MCF2L: variants seen among roughly 807,000 people sequenced by gnomAD.
The protein encoded by MCF2L is MCF.2 cell line derived transforming sequence like, also known as guanine nucleotide exchange factor DBS.
Under a neutral mutation model 153.4 loss-of-function variants are expected in MCF2L, and 97 were observed. The observed-to-expected ratio is 0.63, with a 90% CI of 0.54 to 0.75. The LOEUF is 0.75. Ranked by LOEUF, MCF2L falls within the 30% of genes least tolerant of loss-of-function variation. The pLI, the probability that MCF2L is intolerant of heterozygous loss-of-function variation, is 0.00. For synonymous variants in MCF2L, 659 were observed against 632.2 expected (o/e 1.04, Z -0.64); for missense variants, 1,347 against 1,495.2 (o/e 0.90, Z 1.64).
chr13:113,006,715 G>T (rs1217205463), intron 1 of MCF2L, among the ~76,000 whole-genome samples: 1 of 152,214 alleles, frequency 6.6e-6, no homozygotes, highest in Non-Finnish European at 1.5e-5. Context: ...AAGACCCTCG[G>T]GTCTGGGCCC....
chr13:112,956,795 C>G (rs2081763295), intron 2 of MCF2L: 1 of 152,286 alleles, frequency 6.6e-6, no homozygotes, highest in Non-Finnish European at 1.5e-5. Flanking sequence ...TGTCTACACT[C>G]TCACACTCCT....
chr13:113,059,887 A>G (rs1347018799), intron 4 of MCF2L, among the ~76,000 whole-genome samples: 1 of 152,220 alleles, frequency 6.6e-6, no homozygotes, highest in African/African-American at 2.4e-5. Flanking sequence ...TAACACACAC[A>G]TGTGTCTATG....
At chr13:113,008,246 A>T (rs1172853615) in intron 1 of MCF2L, among the ~76,000 whole-genome samples, 1 of 152,242 alleles carries the variant, frequency 6.6e-6, no homozygotes, top group Admixed American at 6.5e-5. Context: ...GGCAGTGTGA[A>T]GAATTTATTT....
intron 4 of MCF2L, among the ~76,000 whole-genome samples, chr13:113,049,198 G>A (rs1286023948): frequency 6.6e-6 from 1 of 152,222 alleles, no homozygotes; most frequent in African/African-American, 2.4e-5. Flanking sequence ...GCAGGAGGCG[G>A]GCAGTGGTGG....
Position 113,086,177 on chromosome 13 carries a change from G to A in MCF2L, c.2301G>A (p.Ala767=), listed in dbSNP as rs186247935. The A allele has an allele frequency of 1.0e-4, 164 of 1,610,574 alleles. No individual in the cohort carries two copies. Among genetic ancestry groups the A allele is most frequent in the East Asian group, 2.9e-4 (13 of 44,450 alleles). ...NCEGAEDLQE[A]LSSILGILKA... ...AGGGGGCTGAGGACCTGCAGGAGGCGCTGAGCTCCATCCTGGGCATCCTGA... is the reference window on the plus strand; with the variant it reads ...AGGGGGCTGAGGACCTGCAGGAGGCACTGAGCTCCATCCTGGGCATCCTGA... Residue 767 remains alanine, a synonymous_variant, in exon 21 of 30, where the codon GCG becomes GCA. Coordinates refer to ENST00000535094, the MANE Select transcript of MCF2L (RefSeq NM_001112732.3).
At chr13:113,022,219 C>G in intron 2 of MCF2L, among the ~76,000 whole-genome samples, 1 of 151,538 alleles carries the variant, frequency 6.6e-6, no homozygotes, top group East Asian at 1.9e-4. Flanking sequence ...TGTCCACCAT[C>G]CACTCCAAGC....
At chr13:113,081,938 TC>T (rs1417649218) in intron 16 of MCF2L, among the ~76,000 whole-genome samples, 2 of 148,250 alleles carry the variant, frequency 1.3e-5, no homozygotes, top group Non-Finnish European at 1.5e-5. Flanking sequence ...GCACATGTGG[TC>T]ACCTGAGTGT....
At chr13:113,080,790 C>T (rs2034056418) in intron 15 of MCF2L, among the ~76,000 whole-genome samples, 2 of 152,188 alleles carry the variant, frequency 1.3e-5, no homozygotes, top group African/African-American at 2.4e-5. Context: ...TCAGGGAGGC[C>T]GGGCAGCAGG....
Position 113,075,053 on chromosome 13 carries a change from A to G in MCF2L, c.1172A>G (p.Asn391Ser), listed in dbSNP as rs117508840. The G allele has an allele frequency of 1.7e-3, 2,711 of 1,613,430 alleles. 12 individuals are homozygous for G. Among genetic ancestry groups the G allele is most frequent in the Non-Finnish European group, 1.4e-3 (1,635 of 1,179,680 alleles). Reference sequence around the variant, plus strand: ...CTGGACGGCGAGCAGCTCATTGGGAACAAGCACTACGCGGTAGACTCCATC... The same window carrying G: ...CTGGACGGCGAGCAGCTCATTGGGAGCAAGCACTACGCGGTAGACTCCATC... Reference protein sequence around the residue: ...LSLDGEQLIGNKHYAVDSIRP... With the variant: ...LSLDGEQLIGSKHYAVDSIRP... Residue 391 changes from asparagine (N) to serine (S), a missense_variant, in exon 11 of 30, where the codon AAC becomes AGC. Physicochemically the swap from Asn to Ser is conservative, Grantham distance 46. Coordinates refer to ENST00000535094, the MANE Select transcript of MCF2L (RefSeq NM_001112732.3).
Position 112,976,931 on chromosome 13 carries a change from G to A in MCF2L, c.79+7473G>A, listed in dbSNP as rs181264763. Among the ~76,000 whole-genome samples, 428 of 152,274 alleles carry A rather than the reference G, an allele frequency of 2.8e-3. 1 individual carries two copies. The highest frequency in any genetic ancestry group is 4.5e-3 in the Non-Finnish European group (306 of 68,016). ...GTGCTGCTGTCACTACCCTGTGGGG[G>A]CTGCATGGGGGAGTCATCGGTTTCC... On this transcript the variant is annotated intron_variant, in intron 1 of 29. Transcript: ENST00000535094.
At chr13:112,933,742 G>A (rs560247473) in intron 2 of MCF2L, among the ~76,000 whole-genome samples, 3 of 152,332 alleles carry the variant, frequency 2.0e-5, no homozygotes, top group African/African-American at 7.2e-5. Flanking sequence ...AAATCATGAC[G>A]CAGCTGGCCC....
At chr13:112,957,350 C>CA (rs2081770654) in intron 2 of MCF2L, 1 of 152,374 alleles carries the variant, frequency 6.6e-6, no homozygotes, top group South Asian at 2.1e-4. Context: ...CAGTCAGCAG[C>CA]AGTCAGCTGT....
At chr13:113,049,748 G>A (rs1479120377) in intron 4 of MCF2L, among the ~76,000 whole-genome samples, 23 of 152,210 alleles carry the variant, frequency 1.5e-4, no homozygotes, top group South Asian at 2.1e-4. Context: ...CCAAGCGCTC[G>A]GCCACCGAGG....
intron 2 of MCF2L, among the ~76,000 whole-genome samples, chr13:112,925,200 C>T (rs1419606010): frequency 6.6e-6 from 1 of 152,154 alleles, no homozygotes. Context: ...AATAGGGTAC[C>T]ATTCTTCGTC....
chr13:113,091,220 C>T, intron 26 of MCF2L: 1 of 1,303,660 alleles, frequency 7.7e-7, no homozygotes, highest in South Asian at 1.2e-5. Context: ...TCGGGCACGG[C>T]ACCCACTCTG....
At chr13:112,995,823 G>A (rs1004849324) in intron 1 of MCF2L, among the ~76,000 whole-genome samples, 1 of 152,194 alleles carries the variant, frequency 6.6e-6, no homozygotes, top group African/African-American at 2.4e-5. Flanking sequence ...CTTACCAGGT[G>A]AGTGAGCAGG....
rs1414043365 is a variant in MCF2L, at chr13:113,053,820, C to T, written c.370-6773C>T. ...CTCCAGTGATCTTGCCTGTACTCTC[C>T]GCCTCTGCAGAGTGAGGTTTTCACT... On this transcript the variant is annotated intron_variant, in intron 4 of 29. Coordinates refer to ENST00000535094, the MANE Select transcript of MCF2L (RefSeq NM_001112732.3). This position sits in a 1 kb window ranked among gnomAD's most constrained non-coding sequence, Gnocchi z 4.4. Among the ~76,000 whole-genome samples, 5 of 152,160 alleles carry T rather than the reference C, an allele frequency of 3.3e-5. No individual in the cohort carries two copies. Among genetic ancestry groups the T allele is most frequent in the Admixed American group, 6.5e-5 (1 of 15,270 alleles).
At position 113,081,253 on chromosome 13, in the gene MCF2L, G is replaced by A. The variant is rs1219189890; in HGVS notation, c.1849G>A (p.Val617Met). The A allele has an allele frequency of 1.1e-5, 17 of 1,592,386 alleles. No individual in the cohort carries two copies. Among genetic ancestry groups the A allele is most frequent in the Non-Finnish European group, 1.5e-5 (17 of 1,170,652 alleles). ...SELLDTERAY[V>M]EELLCVLEGY... ...GCTCCTGGACACAGAACGGGCCTAC[G>A]TGGAGGAGCTGCTGTGCGTCCTGGA... The change falls in exon 16 of 30, where the codon GTG (valine) becomes ATG (methionine). Residue 617 changes from valine to methionine, a missense_variant. Val to Met is a conservative substitution (Grantham distance 21). This residue lies in a region of MCF2L where 820 missense variants were observed against 921.2 expected (regional missense o/e 0.89). Coordinates refer to ENST00000535094, the MANE Select transcript of MCF2L (RefSeq NM_001112732.3).
intron 2 of MCF2L, among the ~76,000 whole-genome samples, chr13:113,015,205 C>A (rs577353309): frequency 6.6e-6 from 1 of 152,358 alleles, no homozygotes; most frequent in African/African-American, 2.4e-5. Context: ...GGGCACCTCC[C>A]AGGCCACGCC....
Sources: allele counts gnomAD v4.1 joint callset (sites outside exome capture counted in the v4.1 genomes callset), GRCh38; gene constraint gnomAD v4.1.1; regional missense constraint gnomAD v4.1.1; non-coding constraint Gnocchi (gnomAD v3.1); transcripts MANE v1.5; gene names NCBI Gene and HGNC (gene_info 2026-07-23, HGNC 2026-07-21).